Variants in CRTC1 observed in about 807,000 individuals in gnomAD.
The protein encoded by CRTC1 is CREB regulated transcription coactivator 1, also known as CREB-regulated transcription coactivator 1.
CRTC1 carries 18 observed loss-of-function variants against 66.1 expected under a neutral mutation model. The observed-to-expected ratio is 0.27, with a 90% CI of 0.19 to 0.40. The LOEUF (loss-of-function observed/expected upper bound fraction) is 0.40, where lower values mean the gene tolerates loss of function less well. Among genes scored for constraint, CRTC1 ranks in the 10% least tolerant of loss-of-function variants. CRTC1 has a pLI of 1.00. For synonymous variants in CRTC1, 416 were observed against 398.8 expected, an observed-to-expected ratio of 1.04 and a Z score of -0.51; for missense variants, 669 against 887.9, an observed-to-expected ratio of 0.75 and a Z score of 3.13.
chr19:18,714,087 C>T (rs2053451761), intron 1 of CRTC1, among the ~76,000 whole-genome samples: 1 of 152,204 alleles, frequency 6.6e-6, no homozygotes, highest in East Asian at 1.9e-4. Context: ...CCCATACTGT[C>T]CTTACACGTA....
At chr19:18,705,370 G>A (rs1484662227) in intron 1 of CRTC1, among the ~76,000 whole-genome samples, 2 of 152,176 alleles carry the variant, frequency 1.3e-5, no homozygotes, top group Admixed American at 1.3e-4. Flanking sequence ...ACCCATGCTG[G>A]AGTGCAGTGG....
In CRTC1 at chr19:18,760,337, G is replaced by T; in HGVS notation, c.886+109G>T. On this transcript the variant is annotated intron_variant, in intron 8 of 13. Transcript: ENST00000321949. The surrounding 1 kb of genome is among the most constrained non-coding windows in gnomAD (Gnocchi z 6.2). ...CCGTTCCAAATACTAGGGCATGGGG[G>T]ACAGGGCTGGGGGGCGGCCGACAGG... The T allele has an allele frequency of 1.0e-6, 1 of 976,694 alleles. No individual in the cohort carries two copies. Among genetic ancestry groups the T allele is most frequent in the Non-Finnish European group, 1.5e-6 (1 of 656,616 alleles). The allele number at this position is 976,694 out of a possible 1,614,324, so 60.5% of individuals were successfully genotyped here.
chr19:18,774,467 G>A (rs1231959602), intron 11 of CRTC1, among the ~76,000 whole-genome samples: 4 of 152,222 alleles, frequency 2.6e-5, no homozygotes, highest in African/African-American at 4.8e-5. Context: ...GGCCTGCGTC[G>A]TGTCCTTTGT....
Position 18,689,583 on chromosome 19 carries a change from A to ATATATG in CRTC1, c.126+5758_126+5759insATGTAT, listed in dbSNP as rs60084986. On this transcript the variant is annotated intron_variant, in intron 1 of 13. Transcript: ENST00000321949. ...GATGGCCATATATATATATATATAT[A>ATATATG]TATGTAATATAACACTTACCATTTT... is the stretch of plus-strand genomic sequence containing the variant. Among the ~76,000 whole-genome samples, 15 of 65,644 alleles carry ATATATG rather than the reference A, an allele frequency of 2.3e-4. No homozygotes were observed. The East Asian group carries it at 4.9e-3, about 21-fold the overall frequency. The allele number at this position is 65,644 out of a possible 152,430, so 43.1% of individuals were successfully genotyped here.
At chr19:18,736,928 G>A (rs952193227) in intron 1 of CRTC1, among the ~76,000 whole-genome samples, 11 of 152,302 alleles carry the variant, frequency 7.2e-5, no homozygotes, top group East Asian at 3.9e-4. Flanking sequence ...AGGAAGGGCT[G>A]GCAGGTGGAG....
intron 4 of CRTC1, among the ~76,000 whole-genome samples, chr19:18,748,374 ATTTTTTTT>A (rs777077338): frequency 5.3e-5 from 4 of 75,400 alleles, no homozygotes; most frequent in South Asian, 4.4e-4. Flanking sequence ...CTTCCAGCTG[ATTTTTTTT>A]TTTTTTTTTT....
chr19:18,745,753 G>T, intron 2 of CRTC1, 70 bp from the exon 3 acceptor site: 1 of 1,597,486 alleles, frequency 6.3e-7, no homozygotes, highest in Non-Finnish European at 8.6e-7. Context: ...TCTGGGGCCA[G>T]CGCTGGGGCC....
intron 1 of CRTC1, among the ~76,000 whole-genome samples, chr19:18,731,519 C>G (rs534500337): frequency 3.3e-5 from 5 of 152,348 alleles, no homozygotes; most frequent in African/African-American, 1.2e-4. Context: ...CAGAAACTCT[C>G]TCTTTTCAAA....
chr19:18,779,574 T>C lies in CRTC1; in HGVS notation c.*2192T>C, dbSNP rs1021427574. ...TAAAATTACAAGCAACCCGCCTGGA[T>C]GCGGTTTTCAAAAGAAGGCATTGAG... On this transcript the variant is annotated 3_prime_UTR_variant, in exon 14 of 14. Coordinates refer to ENST00000321949, the MANE Select transcript of CRTC1 (RefSeq NM_015321.3). 4.6e-6 allele frequency: 1 copy of C among 217,986 alleles called. No homozygotes were observed. The highest frequency in any genetic ancestry group is 9.2e-6 in the Non-Finnish European group (1 of 108,750). 13.5% of individuals were successfully genotyped at this position (217,986 alleles called of 1,614,324 possible).
At chr19:18,708,067 G>C (rs2053305195) in intron 1 of CRTC1, among the ~76,000 whole-genome samples, 1 of 152,220 alleles carries the variant, frequency 6.6e-6, no homozygotes, top group South Asian at 2.1e-4. Flanking sequence ...TCTGCAGTGG[G>C]ACATTAGGGG....
chr19:18,708,233 G>C (rs752306148), intron 1 of CRTC1, among the ~76,000 whole-genome samples: 9 of 152,170 alleles, frequency 5.9e-5, no homozygotes, highest in Non-Finnish European at 1.3e-4. Flanking sequence ...GAGCCAAGCT[G>C]GAGAGCTTGG....
intron 1 of CRTC1, among the ~76,000 whole-genome samples, chr19:18,723,002 G>A (rs1188817591): frequency 6.6e-6 from 1 of 152,020 alleles, no homozygotes; most frequent in Non-Finnish European, 1.5e-5. Context: ...GTGCAGAGGT[G>A]CAATCTCGGC....
chr19:18,727,013 G>T (rs11878507), intron 1 of CRTC1, among the ~76,000 whole-genome samples: 1 of 151,076 alleles, frequency 6.6e-6, no homozygotes, highest in East Asian at 2.0e-4. Flanking sequence ...TTGGAAGGCC[G>T]AGGTGGGAGG....
intron 1 of CRTC1, among the ~76,000 whole-genome samples, chr19:18,703,456 C>CATTTATTT (rs113928670): frequency 3.9e-5 from 6 of 152,050 alleles, no homozygotes; most frequent in Non-Finnish European, 8.8e-5. Context: ...TTTATTTATG[C>CATTTATTT]ATTTATTTAT....
chr19:18,750,765 G>A (rs1322737009), intron 5 of CRTC1, among the ~76,000 whole-genome samples: 1 of 152,192 alleles, frequency 6.6e-6, no homozygotes, highest in Non-Finnish European at 1.5e-5. Context: ...CCGGGGTTCC[G>A]GCTCAGCGTG....
At chr19:18,725,984 A>G (rs1283617560) in intron 1 of CRTC1, among the ~76,000 whole-genome samples, 1 of 152,186 alleles carries the variant, frequency 6.6e-6, no homozygotes. Context: ...GCAGATCTGC[A>G]GTAAAGATGT....
chr19:18,722,808 T>G (rs2053658352), intron 1 of CRTC1, among the ~76,000 whole-genome samples: 1 of 152,142 alleles, frequency 6.6e-6, no homozygotes, highest in South Asian at 2.1e-4. Flanking sequence ...ACCACTAATC[T>G]GTCTCTGTGG....
intron 1 of CRTC1, among the ~76,000 whole-genome samples, chr19:18,684,773 C>T (rs1249053559): frequency 2.0e-5 from 3 of 152,138 alleles, no homozygotes; most frequent in Non-Finnish European, 4.4e-5. Flanking sequence ...TCCTGTCTGG[C>T]AGAGCAGATA....
rs1030978175 is a variant in CRTC1, at chr19:18,778,964, T to C, written c.*1582T>C. 1 of 230,900 alleles carries C rather than the reference T, an allele frequency of 4.3e-6. No homozygotes were observed. The highest frequency in any genetic ancestry group is 1.8e-4 in the South Asian group (1 of 5,514). The allele number at this position is 230,900 out of a possible 1,614,324, so 14.3% of individuals were successfully genotyped here. On this transcript the variant is annotated 3_prime_UTR_variant, in exon 14 of 14. Coordinates refer to ENST00000321949, the MANE Select transcript of CRTC1 (RefSeq NM_015321.3). ...CAGCAGTGTGTGTTTTAGTGGCAGG[T>C]TTCAGGAGCACCTCTAAGACCAGGG...
Sources: gnomAD v4.1 joint callset for allele counts (sites outside exome capture counted in the v4.1 genomes callset) on GRCh38, gnomAD v4.1.1 for gene constraint, Gnocchi (gnomAD v3.1) non-coding constraint, MANE v1.5 for transcripts, NCBI Gene and HGNC (gene_info 2026-07-23, HGNC 2026-07-21) for gene names.